Variants in TEK observed in about 807,000 individuals in gnomAD.
TEK encodes the protein angiopoietin-1 receptor.
Under a neutral mutation model 131.8 loss-of-function variants are expected in TEK, and 43 were observed. The ratio of observed to expected loss-of-function variants is 0.33; its 90% CI spans 0.26 to 0.42. The LOEUF (loss-of-function observed/expected upper bound fraction) is 0.42, where lower values mean the gene tolerates loss of function less well. Ranked by LOEUF, TEK falls within the 10% of genes least tolerant of loss-of-function variation. The pLI is 1.00. For missense variants in TEK, 1,162 were observed against 1,384.4 expected (o/e 0.84, Z 2.55); for synonymous variants, 580 against 491.6 (o/e 1.18, Z -2.38).
intron 1 of TEK, among the ~76,000 whole-genome samples, chr9:27,125,198 G>A (rs1248620736): frequency 2.0e-5 from 3 of 152,238 alleles, no homozygotes; most frequent in Admixed American, 2.0e-4. Flanking sequence ...AGCTGCAGAA[G>A]CTCAGCCACA....
intron 21 of TEK, among the ~76,000 whole-genome samples, 184 bp from the exon 22 acceptor site, chr9:27,228,022 T>C (rs1826407397): frequency 6.6e-6 from 1 of 152,074 alleles, no homozygotes; most frequent in Non-Finnish European, 1.5e-5. Context: ...ACTAAATCTA[T>C]GAGGAGTTGA....
At chr9:27,177,930 G>A (rs1045978899) in intron 6 of TEK, among the ~76,000 whole-genome samples, 9 of 152,068 alleles carry the variant, frequency 5.9e-5, no homozygotes, top group African/African-American at 2.2e-4. Flanking sequence ...TCACTCTGTT[G>A]ATTGTTTTCT....
At chr9:27,109,898 T>C (rs147910139) in intron 1 of TEK, among the ~76,000 whole-genome samples, 424 of 152,312 alleles carry the variant, frequency 2.8e-3, no homozygotes, top group African/African-American at 9.5e-3. Context: ...ACCGATTAAA[T>C]CATCTTATTT....
chr9:27,170,060 G>A (rs1247845980), intron 4 of TEK, among the ~76,000 whole-genome samples: 2 of 152,134 alleles, frequency 1.3e-5, no homozygotes, highest in African/African-American at 2.4e-5. Context: ...AAAAGAGGAA[G>A]CAAACACATC....
Position 27,192,526 on chromosome 9 carries a change from T to C in TEK, c.1527T>C (p.Pro509=), listed in dbSNP as rs1451815811. ...TTGTTACACTCAACTATTTGGAACCTCGGACAGAATATGAACTCTGTGTGC... is the reference window on the plus strand; with the variant it reads ...TTGTTACACTCAACTATTTGGAACCCCGGACAGAATATGAACTCTGTGTGC... ...NEIVTLNYLE[P]RTEYELCVQL... Residue 509 remains proline (P), a synonymous_variant, in exon 11 of 23, where the codon CCT becomes CCC. Transcript: ENST00000380036. 6.2e-7 allele frequency: 1 copy of C among 1,613,956 alleles called. No individual in the cohort carries two copies. The highest frequency in any genetic ancestry group is 8.5e-7 in the Non-Finnish European group (1 of 1,179,908).
At chr9:27,137,219 AAATC>A (rs1822491796) in intron 1 of TEK, among the ~76,000 whole-genome samples, 1 of 107,982 alleles carries the variant, frequency 9.3e-6, no homozygotes, top group Non-Finnish European at 2.1e-5. Context: ...TGCCTGGCCT[AAATC>A]TATCTTTTGA....
chr9:27,154,107 T>C (rs1363985010), intron 1 of TEK, among the ~76,000 whole-genome samples: 1 of 152,202 alleles, frequency 6.6e-6, no homozygotes, highest in Non-Finnish European at 1.5e-5. Context: ...TGTCCATGGC[T>C]CTTGATTCTT....
chr9:27,153,826 G>A (rs1307341641), intron 1 of TEK, among the ~76,000 whole-genome samples: 1 of 152,208 alleles, frequency 6.6e-6, no homozygotes, highest in Admixed American at 6.5e-5. Context: ...TGCCTTTCAT[G>A]GTGTCAGCAG....
intron 1 of TEK, among the ~76,000 whole-genome samples, chr9:27,142,600 A>G (rs867822897): frequency 6.6e-6 from 1 of 152,268 alleles, no homozygotes; most frequent in African/African-American, 2.4e-5. Context: ...TTTTAGATTC[A>G]TAGTCTTACA....
At chr9:27,159,102 T>A (rs1823449915) in intron 2 of TEK, among the ~76,000 whole-genome samples, 1 of 152,204 alleles carries the variant, frequency 6.6e-6, no homozygotes, top group Non-Finnish European at 1.5e-5. Context: ...TTGGGATTCC[T>A]TACATATATG....
chr9:27,195,843 G>A (rs1017090554), intron 11 of TEK, among the ~76,000 whole-genome samples: 1 of 152,112 alleles, frequency 6.6e-6, no homozygotes, highest in Admixed American at 6.5e-5. Flanking sequence ...TTATGAATTT[G>A]CCCAAGGTTG....
At chr9:27,219,649 C>A (rs1159866986) in intron 20 of TEK, among the ~76,000 whole-genome samples, 1 of 151,630 alleles carries the variant, frequency 6.6e-6, no homozygotes, top group East Asian at 1.9e-4. Context: ...AACCAACATG[C>A]ATGGCTTTTG....
rs1023820439 is a variant in TEK, at chr9:27,115,740, G to A, written c.52+6098G>A. ...TGAAACCAAGATGAAAAGGAAAAGG[G>A]AAGAAAGGACATAGAGGGAGCAACC... On this transcript the variant is annotated intron_variant, in intron 1 of 22. Coordinates refer to ENST00000380036, the MANE Select transcript of TEK (RefSeq NM_000459.5). 1.1e-4 allele frequency among the ~76,000 whole-genome samples: 16 copies of A among 152,128 alleles called. 1 individual carries two copies. The highest frequency in any genetic ancestry group is 3.9e-4 in the African/African-American group (16 of 41,426).
intron 1 of TEK, among the ~76,000 whole-genome samples, chr9:27,124,286 A>G (rs1587483377): frequency 1.3e-5 from 2 of 152,238 alleles, no homozygotes; most frequent in African/African-American, 4.8e-5. Context: ...CAGCTGATCT[A>G]TGCTTGACAC....
chr9:27,214,465 C>G (rs978899376), intron 18 of TEK, among the ~76,000 whole-genome samples: 1 of 152,158 alleles, frequency 6.6e-6, no homozygotes, highest in African/African-American at 2.4e-5. Context: ...TATAGACAAT[C>G]TTTTTGCTTT....
intron 8 of TEK, among the ~76,000 whole-genome samples, chr9:27,184,469 C>A (rs1824520895): frequency 1.3e-5 from 2 of 152,092 alleles, no homozygotes; most frequent in African/African-American, 2.4e-5. Context: ...GTATGAGTGA[C>A]CTTCTGAGGG....
At chr9:27,229,017 G>A (rs1826453127) in intron 22 of TEK, 141 bp from the exon 23 acceptor site, 1 of 756,760 alleles carries the variant, frequency 1.3e-6, no homozygotes, top group Non-Finnish European at 2.4e-6. Context: ...ACAACAGAGG[G>A]ACTGAGGACA....
Position 27,173,238 on chromosome 9 carries a change from G to T in TEK, c.777G>T (p.Thr259=). The part of the protein sequence containing the change: ...RTCEKACELH[T]FGRTCKERCS... ...CTCCCAAAGCTTGTGAACTGCACAC[G>T]TTTGGCAGAACTTGTAAAGAAAGGT... is the stretch of plus-strand genomic sequence containing the variant. Residue 259 remains threonine, a synonymous_variant, in exon 6 of 23, where the codon ACG becomes ACT. Coordinates refer to ENST00000380036, the MANE Select transcript of TEK (RefSeq NM_000459.5). 1 of 1,613,996 alleles carries T rather than the reference G, an allele frequency of 6.2e-7. No individual in the cohort carries two copies. The highest frequency in any genetic ancestry group is 8.5e-7 in the Non-Finnish European group (1 of 1,179,918).
intron 1 of TEK, among the ~76,000 whole-genome samples, chr9:27,116,337 G>A (rs1461248417): frequency 6.6e-6 from 1 of 152,020 alleles, no homozygotes; most frequent in South Asian, 2.1e-4. Flanking sequence ...CGCCCAGGCT[G>A]GAGTGCAGTG....
Sources: gnomAD v4.1 joint callset for allele counts (sites outside exome capture counted in the v4.1 genomes callset) on GRCh38, gnomAD v4.1.1 for gene constraint, MANE v1.5 for transcripts, NCBI Gene and HGNC (gene_info 2026-07-23, HGNC 2026-07-21) for gene names.